Variants in BIN3 observed in about 807,000 individuals in gnomAD.
The protein encoded by BIN3 is bridging integrator 3.
BIN3 carries 41 observed loss-of-function variants against 38.2 expected under a neutral mutation model. The observed-to-expected ratio is 1.07, with a 90% CI of 0.84 to 1.39. The LOEUF is 1.39. Ranked by LOEUF, BIN3 falls within the 40% of genes most tolerant of loss-of-function variation. BIN3 has a pLI of 0.00. For missense variants in BIN3, 361 were observed against 324.3 expected, an observed-to-expected ratio of 1.11 and a Z score of -0.87; for synonymous variants, 145 against 122.6, an observed-to-expected ratio of 1.18 and a Z score of -1.21.
chr8:22,650,706 T>A (rs1222920370), intron 1 of BIN3, among the ~76,000 whole-genome samples: 1 of 152,214 alleles, frequency 6.6e-6, no homozygotes, highest in Non-Finnish European at 1.5e-5. Context: ...CCTTTGCACA[T>A]CTAAAGATAA....
chr8:22,656,149 A>G (rs1469238065), intron 1 of BIN3, among the ~76,000 whole-genome samples: 1 of 149,982 alleles, frequency 6.7e-6, no homozygotes, highest in East Asian at 2.0e-4. Context: ...TGAAGATCCT[A>G]TTTTTGGTTT....
At chr8:22,664,789 G>T (rs951706347) in intron 1 of BIN3, among the ~76,000 whole-genome samples, 2 of 152,234 alleles carry the variant, frequency 1.3e-5, no homozygotes, top group African/African-American at 2.4e-5. Flanking sequence ...ACATAAGCAT[G>T]AAGTCAGACA....
At chr8:22,659,719 T>C (rs1211082336) in intron 1 of BIN3, among the ~76,000 whole-genome samples, 1 of 152,214 alleles carries the variant, frequency 6.6e-6, no homozygotes, top group African/African-American at 2.4e-5. Flanking sequence ...ACTCTGCCTA[T>C]TACCAGCTGT....
At chr8:22,651,753 G>GTATAT (rs1563975767) in intron 1 of BIN3, among the ~76,000 whole-genome samples, 3 of 151,892 alleles carry the variant, frequency 2.0e-5, no homozygotes, top group African/African-American at 4.8e-5. Flanking sequence ...TGTTTGTCAC[G>GTATAT]GTGTTGTATA....
chr8:22,652,655 T>C (rs1046634969), intron 1 of BIN3, among the ~76,000 whole-genome samples: 1 of 152,238 alleles, frequency 6.6e-6, no homozygotes, highest in Admixed American at 6.5e-5. Context: ...TTTATACAAT[T>C]TTGTATGCCC....
intron 1 of BIN3, among the ~76,000 whole-genome samples, chr8:22,648,040 C>T (rs980378100): frequency 6.8e-6 from 1 of 147,508 alleles, no homozygotes; most frequent in African/African-American, 2.5e-5. Context: ...GAGGCTGAGG[C>T]AGGAGAATGG....
chr8:22,627,794 G>C (rs1233987286), intron 6 of BIN3, among the ~76,000 whole-genome samples: 2 of 152,222 alleles, frequency 1.3e-5, no homozygotes, highest in African/African-American at 4.8e-5. Context: ...GTGGGGGCAG[G>C]TCAGACAGCC....
At chr8:22,645,582 AT>A (rs1296038621) in intron 1 of BIN3, among the ~76,000 whole-genome samples, 8 of 134,724 alleles carry the variant, frequency 5.9e-5, no homozygotes, top group African/African-American at 3.1e-4. Context: ...AAAGGCGAGG[AT>A]GGCAGGAAAG....
chr8:22,657,837 G>A (rs1347011233), intron 1 of BIN3, among the ~76,000 whole-genome samples: 1 of 152,240 alleles, frequency 6.6e-6, no homozygotes, highest in Non-Finnish European at 1.5e-5. Context: ...ACTTCCTTAG[G>A]AGAAGCAGCT....
intron 6 of BIN3, chr8:22,626,301 A>C (rs1488993587): frequency 6.6e-6 from 1 of 152,464 alleles, no homozygotes; most frequent in Non-Finnish European, 1.5e-5. Flanking sequence ...ATAGTCGCCC[A>C]TGGCGTGGGC....
At chr8:22,625,255 C>A (rs1407685790) in intron 6 of BIN3, 2 of 695,562 alleles carry the variant, frequency 2.9e-6, no homozygotes, top group Non-Finnish European at 5.2e-6. Context: ...GAGGCTCTCG[C>A]TGCTGCTGCT....
chr8:22,644,246 G>T (rs550954369), intron 2 of BIN3, among the ~76,000 whole-genome samples: 2 of 152,336 alleles, frequency 1.3e-5, no homozygotes, highest in East Asian at 1.9e-4. Context: ...GGCTTAAAGG[G>T]GGGTGGGATT....
chr8:22,665,283 T>C (rs1803379995), intron 1 of BIN3, among the ~76,000 whole-genome samples: 1 of 152,212 alleles, frequency 6.6e-6, no homozygotes, highest in African/African-American at 2.4e-5. Context: ...TGCAAGTTTT[T>C]ATCTTAACAT....
At chr8:22,663,644 A>C (rs1381860631) in intron 1 of BIN3, among the ~76,000 whole-genome samples, 1 of 152,138 alleles carries the variant, frequency 6.6e-6, no homozygotes, top group Non-Finnish European at 1.5e-5. Flanking sequence ...CACTGAAAGC[A>C]CTATATAACG....
At chr8:22,664,328 C>T (rs979755188) in intron 1 of BIN3, among the ~76,000 whole-genome samples, 5 of 152,236 alleles carry the variant, frequency 3.3e-5, no homozygotes, top group African/African-American at 1.2e-4. Context: ...AGAGCAAGCT[C>T]ACATACAGAA....
intron 1 of BIN3, among the ~76,000 whole-genome samples, chr8:22,663,742 C>T (rs565614012): frequency 1.3e-5 from 2 of 152,330 alleles, no homozygotes; most frequent in African/African-American, 4.8e-5. Context: ...CCTGACAGTC[C>T]GCACAAACAC....
rs1021374296 is a variant in BIN3 at position 22,621,219 on chromosome 8, C to G, written c.*203G>C. ...CCAAGGGTTTGTCTACACTGCTTAC[C>G]TGCTGGGGCTGTGAGTGGGGAGACG... is the stretch of plus-strand genomic sequence containing the variant. On this transcript the variant is annotated 3_prime_UTR_variant, in exon 9 of 9. Coordinates refer to ENST00000276416, the MANE Select transcript of BIN3 (RefSeq NM_018688.6). 1.6e-6 allele frequency: 1 copy of G among 643,860 alleles called. No individual in the cohort carries two copies. The highest frequency in any genetic ancestry group is 1.8e-5 in the African/African-American group (1 of 54,556). The allele number at this position is 643,860 out of a possible 1,614,324, so 39.9% of individuals were successfully genotyped here. A position where few individuals can be genotyped will look rare whatever the true frequency, so the allele number is the denominator to read the frequency against.
chr8:22,641,855 TGGAG>T (rs1427344005), intron 2 of BIN3, among the ~76,000 whole-genome samples: 1 of 152,146 alleles, frequency 6.6e-6, no homozygotes, highest in Non-Finnish European at 1.5e-5. Flanking sequence ...TCCCAGGTTA[TGGAG>T]GAAGGTGTGG....
chr8:22,654,142 C>T (rs914550733), intron 1 of BIN3, among the ~76,000 whole-genome samples: 1 of 152,176 alleles, frequency 6.6e-6, no homozygotes, highest in African/African-American at 2.4e-5. Flanking sequence ...TGGGACTTGA[C>T]TTTCTTGGAA....
Sources: gnomAD v4.1 joint callset for allele counts (sites outside exome capture counted in the v4.1 genomes callset) on GRCh38, gnomAD v4.1.1 for gene constraint, MANE v1.5 for transcripts, NCBI Gene and HGNC (gene_info 2026-07-23, HGNC 2026-07-21) for gene names.